Variants in ENAH observed in about 807,000 individuals in gnomAD.
ENAH encodes protein enabled homolog.
ENAH carries 23 observed loss-of-function variants against 78.7 expected under a neutral mutation model. That is an observed-to-expected ratio of 0.29 (90% CI 0.21 to 0.41). ENAH has a LOEUF of 0.41. ENAH is among the 10% of genes least tolerant of loss of function. The probability of loss-of-function intolerance (pLI) is 1.00; values close to 1 mark genes in which losing one functional copy is unlikely to be tolerated. For synonymous variants in ENAH, 226 were observed against 241.0 expected, an observed-to-expected ratio of 0.94 and a Z score of 0.58; for missense variants, 544 against 691.0, an observed-to-expected ratio of 0.79 and a Z score of 2.39.
chr1:225,515,582 AAGAAG>A (rs753122687), intron 6 of ENAH, among the ~76,000 whole-genome samples: 2 of 152,238 alleles, frequency 1.3e-5, no homozygotes, highest in African/African-American at 2.4e-5. Context: ...AATGGGGGGC[AAGAAG>A]AGAAATGTTC....
chr1:225,522,806 A>C (rs970158739), intron 4 of ENAH, among the ~76,000 whole-genome samples: 1 of 152,202 alleles, frequency 6.6e-6, no homozygotes, highest in African/African-American at 2.4e-5. Flanking sequence ...TTCTAATTAG[A>C]ACAAATTTAA....
chr1:225,576,034 T>A (rs997568685), intron 1 of ENAH, among the ~76,000 whole-genome samples: 1 of 152,120 alleles, frequency 6.6e-6, no homozygotes, highest in African/African-American at 2.4e-5. Flanking sequence ...CTCATCACTC[T>A]GCACTGTTCT....
At chr1:225,605,304 G>GA (rs2096951172) in intron 1 of ENAH, among the ~76,000 whole-genome samples, 1 of 152,200 alleles carries the variant, frequency 6.6e-6, no homozygotes, top group Admixed American at 6.5e-5. Context: ...GTGGGGGAGA[G>GA]AAAAGACCAG....
chr1:225,579,712 G>C (rs545866592), intron 1 of ENAH, among the ~76,000 whole-genome samples: 2 of 152,110 alleles, frequency 1.3e-5, no homozygotes, highest in Admixed American at 1.3e-4. Context: ...CACATTACAG[G>C]ACGCACATGA....
At chr1:225,636,052 T>C (rs879710605) in intron 1 of ENAH, among the ~76,000 whole-genome samples, 3 of 152,208 alleles carry the variant, frequency 2.0e-5, no homozygotes, top group East Asian at 1.9e-4. Context: ...CCCATAATCA[T>C]GTAAGCCAAT....
chr1:225,556,907 C>T (rs980025305), intron 2 of ENAH, among the ~76,000 whole-genome samples: 4 of 152,100 alleles, frequency 2.6e-5, no homozygotes, highest in Non-Finnish European at 5.9e-5. Flanking sequence ...ATATGGCTGT[C>T]CAAATGATCC....
Position 225,492,734 on chromosome 1 carries a change from C to T in ENAH, c.*5041G>A, listed in dbSNP as rs2096228153. On this transcript the variant is annotated 3_prime_UTR_variant, in exon 14 of 14. Coordinates refer to ENST00000366843, the MANE Select transcript of ENAH (RefSeq NM_018212.6). ...TGTGTGCATCACAGAGTATCTGTAA[C>T]GGGGACAGTCCTATTTCCCTTTCTC... The T allele has an allele frequency of 6.6e-6, 1 of 152,200 alleles. No individual in the cohort carries two copies. The highest frequency in any genetic ancestry group is 1.5e-5 in the Non-Finnish European group (1 of 68,032). The allele number at this position is 152,200 out of a possible 1,614,324, so 9.4% of individuals were successfully genotyped here. A position where few individuals can be genotyped will look rare whatever the true frequency, so the allele number is the denominator to read the frequency against.
At chr1:225,589,670 TA>T (rs1157888357) in intron 1 of ENAH, among the ~76,000 whole-genome samples, 5 of 152,212 alleles carry the variant, frequency 3.3e-5, no homozygotes, top group Non-Finnish European at 7.3e-5. Context: ...TAATATTTTT[TA>T]TCTGTGGATA....
At chr1:225,602,702 T>C (rs1345757564) in intron 1 of ENAH, among the ~76,000 whole-genome samples, 3 of 152,156 alleles carry the variant, frequency 2.0e-5, no homozygotes, top group Admixed American at 6.5e-5. Flanking sequence ...AATATGACCA[T>C]GCTGTCTAGC....
intron 3 of ENAH, among the ~76,000 whole-genome samples, chr1:225,551,438 G>A (rs2096640081): frequency 6.6e-6 from 1 of 152,090 alleles, no homozygotes; most frequent in South Asian, 2.1e-4. Context: ...TGAGGACGTA[G>A]GGGACACGGA....
chr1:225,492,837 A>C lies in ENAH; in HGVS notation c.*4938T>G, dbSNP rs1439737958. On this transcript the variant is annotated 3_prime_UTR_variant, in exon 14 of 14. Coordinates refer to ENST00000366843, the MANE Select transcript of ENAH (RefSeq NM_018212.6). ...GTGGCAGACATTCTTACAACATCCT[A>C]AGTCATTATGACAGTCATTTATCCT... 1.6e-5 allele frequency: 1 copy of C among 61,312 alleles called. No homozygotes were observed. Among genetic ancestry groups the C allele is most frequent in the East Asian group, 4.7e-4 (1 of 2,128 alleles). The allele number at this position is 61,312 out of a possible 1,614,324, so 3.8% of individuals were successfully genotyped here.
intron 2 of ENAH, among the ~76,000 whole-genome samples, chr1:225,558,678 G>C (rs1250070298): frequency 1.7e-5 from 2 of 118,768 alleles, no homozygotes; most frequent in African/African-American, 6.6e-5. Context: ...CTGTCGCCCA[G>C]GCTGGAGTGC....
chr1:225,570,461 A>C (rs1575567725), intron 1 of ENAH, among the ~76,000 whole-genome samples: 1 of 148,614 alleles, frequency 6.7e-6, no homozygotes, highest in Non-Finnish European at 1.5e-5. Context: ...CTCCCCTTCC[A>C]CCTCCTTCTC....
intron 1 of ENAH, among the ~76,000 whole-genome samples, chr1:225,577,883 C>G (rs145242914): frequency 7.2e-4 from 110 of 152,222 alleles, no homozygotes; most frequent in Non-Finnish European, 1.2e-3. Flanking sequence ...TAGGAGTAAT[C>G]TTTTTTTCAA....
At chr1:225,600,397 T>C (rs1158173976) in intron 1 of ENAH, among the ~76,000 whole-genome samples, 3 of 151,994 alleles carry the variant, frequency 2.0e-5, no homozygotes, top group Non-Finnish European at 4.4e-5. Context: ...AAAAAATAGA[T>C]GCAGCTAAAG....
At chr1:225,593,005 G>A (rs558089203) in intron 1 of ENAH, among the ~76,000 whole-genome samples, 16 of 152,260 alleles carry the variant, frequency 1.1e-4, no homozygotes, top group African/African-American at 3.1e-4. Context: ...TGACATGCCA[G>A]ATGACCCCTG....
chr1:225,560,560 T>C (rs144253096), intron 2 of ENAH, among the ~76,000 whole-genome samples: 5 of 152,112 alleles, frequency 3.3e-5, no homozygotes, highest in Middle Eastern at 3.4e-3. Context: ...GGCACAATCA[T>C]GGGACACGAC....
chr1:225,607,181 G>A (rs567975299), intron 1 of ENAH, among the ~76,000 whole-genome samples: 30 of 152,288 alleles, frequency 2.0e-4, no homozygotes, highest in African/African-American at 6.7e-4. Context: ...TGGAAGAAGT[G>A]ACTTGGGCCA....
At chr1:225,604,497 A>C (rs922088867) in intron 1 of ENAH, among the ~76,000 whole-genome samples, 8 of 152,098 alleles carry the variant, frequency 5.3e-5, no homozygotes, top group Middle Eastern at 3.4e-3. Flanking sequence ...AAATTGTACA[A>C]ATGTGGCCAG....
Sources: gnomAD v4.1 joint callset for allele counts (sites outside exome capture counted in the v4.1 genomes callset) on GRCh38, gnomAD v4.1.1 for gene constraint, MANE v1.5 for transcripts, NCBI Gene and HGNC (gene_info 2026-07-23, HGNC 2026-07-21) for gene names.